The following CDH18 variants were observed in gnomAD, a reference collection of about 807,000 sequenced individuals.
CDH18 encodes cadherin-18.
A neutral mutation model predicts 67.9 loss-of-function variants in CDH18; 31 were observed. The ratio of observed to expected loss-of-function variants is 0.46; its 90% confidence interval spans 0.34 to 0.62. The LOEUF (loss-of-function observed/expected upper bound fraction) is 0.62, where lower values mean the gene tolerates loss of function less well. Among genes scored for constraint, CDH18 ranks in the 20% least tolerant of loss-of-function variants. The pLI, the probability that CDH18 is intolerant of heterozygous loss-of-function variation, is 0.01. For missense variants in CDH18, 890 were observed against 975.5 expected (o/e 0.91, Z 1.17); for synonymous variants, 362 against 347.2 (o/e 1.04, Z -0.48).
intron 2 of CDH18, among the ~76,000 whole-genome samples, chr5:20,089,167 T>A (rs1403329156): frequency 6.6e-6 from 1 of 152,194 alleles, no homozygotes; most frequent in Non-Finnish European, 1.5e-5. Context: ...CAGCCATGTT[T>A]ATGAAAATAT....
intron 1 of CDH18, among the ~76,000 whole-genome samples, chr5:20,419,728 C>T (rs1040596367): frequency 5.3e-5 from 8 of 150,710 alleles, no homozygotes; most frequent in Admixed American, 2.6e-4. Flanking sequence ...CCTCCCGCCT[C>T]GGCCTCCCAA....
chr5:20,007,594 C>T (rs1474521184), intron 2 of CDH18, among the ~76,000 whole-genome samples: 5 of 151,208 alleles, frequency 3.3e-5, no homozygotes, highest in Non-Finnish European at 7.4e-5. Context: ...GTGAATAGTG[C>T]AGAATTAGCA....
chr5:20,446,712 A>T (rs1750028114), intron 1 of CDH18, among the ~76,000 whole-genome samples: 1 of 152,228 alleles, frequency 6.6e-6, no homozygotes, highest in South Asian at 2.1e-4. Flanking sequence ...CTCATCAGGT[A>T]AAATAATTGT....
chr5:19,547,135 T>G (rs1322273062), intron 8 of CDH18, among the ~76,000 whole-genome samples: 2 of 152,158 alleles, frequency 1.3e-5, no homozygotes, highest in African/African-American at 4.8e-5. Flanking sequence ...AAACCCTTCT[T>G]ATAACATCCC....
intron 1 of CDH18, among the ~76,000 whole-genome samples, chr5:20,483,522 T>G (rs1370875848): frequency 6.6e-6 from 1 of 151,872 alleles, no homozygotes; most frequent in African/African-American, 2.4e-5. Context: ...CAAATTATAC[T>G]ATAAAGTTAT....
intron 2 of CDH18, among the ~76,000 whole-genome samples, chr5:20,057,327 C>CT (rs1056339277): frequency 6.6e-6 from 1 of 152,186 alleles, no homozygotes; most frequent in East Asian, 1.9e-4. Flanking sequence ...TATCCTGAAT[C>CT]TTTTTTTCTG....
In CDH18 at chr5:19,733,749, C is replaced by T. The variant is rs149037532; in HGVS notation, c.524-12283G>A. 9.9e-5 allele frequency among the ~76,000 whole-genome samples: 15 copies of T among 152,260 alleles called. No individual in the cohort carries two copies. The South Asian group carries it at 1.0e-3, about 11-fold the overall frequency. ...TAAAAGGCTGACTGAGCTGCTAACA[C>T]GCCTCTTTCCACTGGACAGCAGACA... On this transcript the variant is annotated intron_variant, in intron 4 of 12. Transcript: ENST00000382275.
intron 1 of CDH18, among the ~76,000 whole-genome samples, chr5:20,559,001 A>C (rs1400072436): frequency 4.6e-5 from 7 of 151,214 alleles, no homozygotes; most frequent in Non-Finnish European, 7.4e-5. Flanking sequence ...ACACTTGTTG[A>C]GTTGATGAAT....
intron 2 of CDH18, among the ~76,000 whole-genome samples, chr5:20,002,571 C>G (rs1736535263): frequency 2.0e-5 from 3 of 152,146 alleles, no homozygotes; most frequent in Non-Finnish European, 4.4e-5. Flanking sequence ...GACACAACCT[C>G]TCAGTTACCA....
At position 20,334,131 on chromosome 5, in the gene CDH18, C is replaced by CTTTTTTTTTTTT. The variant is rs34609844; in HGVS notation, c.-579-78638_-579-78627dup. Among the ~76,000 whole-genome samples the CTTTTTTTTTTTT allele has an allele frequency of 7.4e-4, 60 of 81,620 alleles. 5 individuals are homozygous for CTTTTTTTTTTTT. The highest frequency in any genetic ancestry group is 5.7e-3 in the East Asian group (13 of 2,270). 53.5% of individuals were successfully genotyped at this position (81,620 alleles called of 152,430 possible). A position where few individuals can be genotyped will look rare whatever the true frequency, so the allele number is the denominator to read the frequency against. ...TAAATGTATAAATCTGACTTGAATT[C>CTTTTTTTTTTTT]TTTTTTTTTTTTTTTTTTTTTGAGA... On this transcript the variant is annotated intron_variant, in intron 1 of 14. Coordinates refer to the CDH18 transcript ENST00000507958.
intron 2 of CDH18, among the ~76,000 whole-genome samples, chr5:20,109,994 C>T (rs1422265366): frequency 6.6e-6 from 1 of 152,100 alleles, no homozygotes; most frequent in Admixed American, 6.6e-5. Context: ...TTGGAATTGT[C>T]AATGAGATAG....
intron 5 of CDH18, among the ~76,000 whole-genome samples, chr5:19,708,380 G>A (rs918760733): frequency 2.0e-5 from 3 of 152,122 alleles, no homozygotes; most frequent in Admixed American, 2.0e-4. Flanking sequence ...CTCTGCAGAT[G>A]TGGATCGTGA....
At chr5:20,300,084 TA>T (rs975399978) in intron 1 of CDH18, among the ~76,000 whole-genome samples, 1 of 151,474 alleles carries the variant, frequency 6.6e-6, no homozygotes, top group Non-Finnish European at 1.5e-5. Context: ...GTGTGACACT[TA>T]AAAAAAAATC....
At chr5:20,512,877 C>T (rs1434241568) in intron 1 of CDH18, among the ~76,000 whole-genome samples, 1 of 112,396 alleles carries the variant, frequency 8.9e-6, no homozygotes, top group African/African-American at 3.4e-5. Flanking sequence ...GAGCAAGACT[C>T]TGTCTCCAAA....
At chr5:20,417,940 G>T (rs371138818) in intron 1 of CDH18, among the ~76,000 whole-genome samples, 1 of 152,050 alleles carries the variant, frequency 6.6e-6, no homozygotes, top group Non-Finnish European at 1.5e-5. Context: ...CACTTTTCAC[G>T]TATGAAAATT....
chr5:20,427,895 A>T (rs1259024509), intron 1 of CDH18, among the ~76,000 whole-genome samples: 1 of 151,196 alleles, frequency 6.6e-6, no homozygotes, highest in Non-Finnish European at 1.5e-5. Flanking sequence ...TCTAATCAGA[A>T]CATTATCAAA....
At chr5:19,888,424 T>C (rs1788455608) in intron 2 of CDH18, among the ~76,000 whole-genome samples, 1 of 152,130 alleles carries the variant, frequency 6.6e-6, no homozygotes, top group Admixed American at 6.6e-5. Flanking sequence ...AAGTCTTAGA[T>C]ATCTTTCATT....
intron 2 of CDH18, among the ~76,000 whole-genome samples, chr5:20,236,092 G>A (rs1039564722): frequency 2.6e-5 from 4 of 151,932 alleles, no homozygotes; most frequent in Admixed American, 2.6e-4. Context: ...AGGTGAGGAG[G>A]GTAAGTGTTG....
intron 8 of CDH18, among the ~76,000 whole-genome samples, chr5:19,565,905 AG>A (rs1740300987): frequency 6.6e-6 from 1 of 152,194 alleles, no homozygotes; most frequent in African/African-American, 2.4e-5. Flanking sequence ...TGCACATCAA[AG>A]AAAACAATCA....
Sources: gnomAD v4.1 joint callset for allele counts (sites outside exome capture counted in the v4.1 genomes callset) on GRCh38, gnomAD v4.1.1 for gene constraint, MANE v1.5 for transcripts, NCBI Gene and HGNC (gene_info 2026-07-23, HGNC 2026-07-21) for gene names.